Variants in ARIH1 observed in about 807,000 individuals in gnomAD.
The protein encoded by ARIH1 is ariadne RBR E3 ubiquitin protein ligase 1.
Under a neutral mutation model 85.0 loss-of-function variants are expected in ARIH1, and 8 were observed. The observed-to-expected ratio is 0.09, with a 90% confidence interval of 0.06 to 0.17. The LOEUF (loss-of-function observed/expected upper bound fraction) is 0.17, where lower values mean the gene tolerates loss of function less well. Among genes scored for constraint, ARIH1 ranks in the 10% least tolerant of loss-of-function variants. The pLI is 1.00. For synonymous variants in ARIH1, 238 were observed against 253.6 expected, an observed-to-expected ratio of 0.94 and a Z score of 0.59; for missense variants, 311 against 718.1, an observed-to-expected ratio of 0.43 and a Z score of 6.48.
At chr15:72,576,280 C>T (rs979978925) in intron 11 of ARIH1, among the ~76,000 whole-genome samples, 3 of 151,788 alleles carry the variant, frequency 2.0e-5, no homozygotes, top group South Asian at 2.1e-4. Flanking sequence ...CCGAGGCGGG[C>T]GGATCACAAG....
chr15:72,530,656 C>G (rs1268874908), intron 2 of ARIH1, among the ~76,000 whole-genome samples: 1 of 152,144 alleles, frequency 6.6e-6, no homozygotes, highest in African/African-American at 2.4e-5. Context: ...CTGGAATTGT[C>G]AGACCTAGAC....
chr15:72,535,240 C>A (rs1036404054), intron 2 of ARIH1, among the ~76,000 whole-genome samples: 2 of 152,064 alleles, frequency 1.3e-5, no homozygotes, highest in Admixed American at 1.3e-4. Flanking sequence ...CGTGAGCCAC[C>A]GCGCCCGGCC....
At chr15:72,518,751 A>G (rs943756465) in intron 2 of ARIH1, among the ~76,000 whole-genome samples, 2 of 150,982 alleles carry the variant, frequency 1.3e-5, no homozygotes, top group Admixed American at 6.6e-5. Flanking sequence ...TGGCGCTACT[A>G]CACTCCAGCC....
chr15:72,534,527 T>C (rs962961352), intron 2 of ARIH1, among the ~76,000 whole-genome samples: 6 of 152,222 alleles, frequency 3.9e-5, no homozygotes, highest in African/African-American at 1.4e-4. Flanking sequence ...AAGGTCCATC[T>C]TTTTTCCTGG....
At chr15:72,534,107 G>C (rs1490839130) in intron 2 of ARIH1, among the ~76,000 whole-genome samples, 2 of 152,030 alleles carry the variant, frequency 1.3e-5, no homozygotes, top group Non-Finnish European at 2.9e-5. Context: ...ATAGTGAAAA[G>C]AAAAGGACCC....
chr15:72,508,228 G>A (rs2063934697), intron 1 of ARIH1, among the ~76,000 whole-genome samples: 1 of 152,202 alleles, frequency 6.6e-6, no homozygotes, highest in Admixed American at 6.5e-5. Context: ...TGTCCTAAAA[G>A]TTAAATGTAC....
At chr15:72,510,254 T>C (rs954843002) in intron 1 of ARIH1, among the ~76,000 whole-genome samples, 6 of 152,212 alleles carry the variant, frequency 3.9e-5, no homozygotes, top group Non-Finnish European at 7.4e-5. Flanking sequence ...GTCTGTGGTA[T>C]ATCTTGTATT....
intron 1 of ARIH1, among the ~76,000 whole-genome samples, chr15:72,483,800 A>ATTTT (rs10699090): frequency 0.026 from 3,876 of 146,900 alleles, 147 homozygotes; most frequent in African/African-American, 0.086. Context: ...CAGTTTACTG[A>ATTTT]TTTTTTTTTT....
At chr15:72,477,893 C>T (rs767898230) in intron 1 of ARIH1, among the ~76,000 whole-genome samples, 3 of 152,120 alleles carry the variant, frequency 2.0e-5, no homozygotes, top group Non-Finnish European at 2.9e-5. Context: ...GCAACCTCTC[C>T]CTCCCAGGTT....
chr15:72,500,438 T>C (rs2063898068), intron 1 of ARIH1, among the ~76,000 whole-genome samples: 1 of 152,142 alleles, frequency 6.6e-6, no homozygotes, highest in African/African-American at 2.4e-5. Context: ...TCTGAAGAGA[T>C]ATGTAAGTGT....
intron 1 of ARIH1, among the ~76,000 whole-genome samples, chr15:72,500,961 C>T (rs1026163463): frequency 1.3e-5 from 2 of 152,202 alleles, no homozygotes; most frequent in Non-Finnish European, 2.9e-5. Context: ...ATGATACCTT[C>T]ATTCTTTAAA....
chr15:72,483,470 C>T (rs941528530), intron 1 of ARIH1, among the ~76,000 whole-genome samples: 4 of 152,148 alleles, frequency 2.6e-5, no homozygotes, highest in Non-Finnish European at 5.9e-5. Flanking sequence ...CATACTCAAT[C>T]GGAGGGGATT....
At chr15:72,566,490 G>A (rs1024419712) in intron 7 of ARIH1, 73 bp from the exon 8 acceptor site, 21 of 1,230,512 alleles carry the variant, frequency 1.7e-5, no homozygotes, top group Non-Finnish European at 2.5e-5. Flanking sequence ...TATAAGGCAT[G>A]AAATGATTGG....
At chr15:72,555,736 G>A in intron 4 of ARIH1, 116 bp from the exon 5 acceptor site, 1 of 819,676 alleles carries the variant, frequency 1.2e-6, no homozygotes, top group Non-Finnish European at 2.0e-6. Context: ...GAAAGGGAAG[G>A]ATTGAGATCC....
At chr15:72,577,882 C>T (rs1333785872) in intron 11 of ARIH1, among the ~76,000 whole-genome samples, 1 of 152,128 alleles carries the variant, frequency 6.6e-6, no homozygotes, top group Non-Finnish European at 1.5e-5. Flanking sequence ...TTTCATTTCT[C>T]TAAAAATGTT....
At chr15:72,571,498 T>C (rs1315388763) in intron 10 of ARIH1, among the ~76,000 whole-genome samples, 12 of 152,210 alleles carry the variant, frequency 7.9e-5, no homozygotes, top group Admixed American at 7.9e-4. Flanking sequence ...TCATCTATGC[T>C]CTGAGCTGAC....
chr15:72,511,046 C>CTATA (rs1427029249), intron 1 of ARIH1, among the ~76,000 whole-genome samples: 1 of 152,070 alleles, frequency 6.6e-6, no homozygotes, highest in Non-Finnish European at 1.5e-5. Flanking sequence ...TGAGTGGAAT[C>CTATA]TATAGGTCAG....
chr15:72,501,239 A>G (rs866411058), intron 1 of ARIH1, among the ~76,000 whole-genome samples: 3 of 152,322 alleles, frequency 2.0e-5, no homozygotes, highest in Non-Finnish European at 4.4e-5. Context: ...GAAGCCTACA[A>G]TGGCTTTTTT....
chr15:72,555,825 G>A, intron 4 of ARIH1, 27 bp from the exon 5 acceptor site: 1 of 1,601,278 alleles, frequency 6.2e-7, no homozygotes. Flanking sequence ...GTTGAATGAA[G>A]ACAGTTTAAA....
Sources: gnomAD v4.1 joint callset for allele counts (sites outside exome capture counted in the v4.1 genomes callset) on GRCh38, gnomAD v4.1.1 for gene constraint, MANE v1.5 for transcripts, NCBI Gene and HGNC (gene_info 2026-07-23, HGNC 2026-07-21) for gene names.